Variants in SSUH2 observed in about 807,000 individuals in gnomAD.
SSUH2 encodes ssu-2 homolog.
Under a neutral mutation model 55.3 loss-of-function variants are expected in SSUH2, and 47 were observed. The ratio of observed to expected loss-of-function variants is 0.85; its 90% CI spans 0.67 to 1.08. SSUH2 has a LOEUF of 1.08. Ranked by LOEUF, SSUH2 falls within the 50% of genes least tolerant of loss-of-function variation. The pLI is 0.00. For missense variants in SSUH2, 535 were observed against 490.7 expected, an observed-to-expected ratio of 1.09 and a Z score of -0.85; for synonymous variants, 212 against 191.5, an observed-to-expected ratio of 1.11 and a Z score of -0.89.
intron 6 of SSUH2, among the ~76,000 whole-genome samples, chr3:8,630,470 C>T (rs1698540812): frequency 6.6e-6 from 1 of 152,158 alleles, no homozygotes; most frequent in African/African-American, 2.4e-5. Context: ...TTCATTCAGC[C>T]CTTCAGCTGT....
intron 2 of SSUH2, among the ~76,000 whole-genome samples, chr3:8,679,336 GC>G (rs1173336279): frequency 3.5e-5 from 1 of 28,600 alleles, no homozygotes; most frequent in East Asian, 1.2e-3. Context: ...CCCTCTTCCC[GC>G]CCCTTGCTCT....
chr3:8,675,983 G>A (rs58394565), intron 3 of SSUH2, among the ~76,000 whole-genome samples: 11,342 of 152,140 alleles, frequency 0.075, 485 homozygotes, highest in Non-Finnish European at 0.1. Context: ...ATGGCCCCCC[G>A]TTTGAGGGCC....
chr3:8,680,692 A>T (rs748476954), intron 1 of SSUH2, among the ~76,000 whole-genome samples: 6 of 151,962 alleles, frequency 3.9e-5, no homozygotes, highest in Non-Finnish European at 7.4e-5. Flanking sequence ...GCCATACATG[A>T]AGTCATATCA....
chr3:8,664,511 T>C (rs2125380687), intron 5 of SSUH2, among the ~76,000 whole-genome samples: 1 of 152,326 alleles, frequency 6.6e-6, no homozygotes, highest in East Asian at 1.9e-4. Context: ...TTAAAAAGCA[T>C]GTATCCAAAA....
intron 5 of SSUH2, among the ~76,000 whole-genome samples, chr3:8,666,283 G>A (rs1703983990): frequency 6.6e-6 from 1 of 152,114 alleles, no homozygotes; most frequent in South Asian, 2.1e-4. Context: ...ATAAATGTGG[G>A]CTATAATTTC....
intron 5 of SSUH2, among the ~76,000 whole-genome samples, chr3:8,667,687 G>A (rs1470560430): frequency 2.0e-5 from 3 of 152,182 alleles, no homozygotes; most frequent in Admixed American, 2.0e-4. Context: ...GGCCACTGGG[G>A]ATCAACTTGA....
chr3:8,672,589 T>C (rs988218998), intron 3 of SSUH2, among the ~76,000 whole-genome samples: 5 of 152,080 alleles, frequency 3.3e-5, no homozygotes, highest in African/African-American at 7.2e-5. Context: ...TATCCCAGGA[T>C]GGGTGTACAC....
intron 5 of SSUH2, among the ~76,000 whole-genome samples, chr3:8,631,573 T>A (rs903303490): frequency 6.6e-6 from 1 of 152,156 alleles, no homozygotes; most frequent in Non-Finnish European, 1.5e-5. Context: ...TCTTGAAGAA[T>A]GGACCTGAGC....
At chr3:8,681,357 C>A (rs1705934173) in intron 1 of SSUH2, among the ~76,000 whole-genome samples, 1 of 148,644 alleles carries the variant, frequency 6.7e-6, no homozygotes, top group South Asian at 2.1e-4. Context: ...GACTGAGAGC[C>A]AGCCCCTTTT....
At chr3:8,659,912 G>A (rs752785900) in intron 6 of SSUH2, 3 of 409,730 alleles carry the variant, frequency 7.3e-6, no homozygotes, top group Middle Eastern at 7.0e-4. Context: ...GCAGACATCT[G>A]AGTTGGATCT....
intron 5 of SSUH2, among the ~76,000 whole-genome samples, chr3:8,670,147 G>A (rs563151042): frequency 4.6e-5 from 7 of 152,098 alleles, no homozygotes; most frequent in Non-Finnish European, 1.0e-4. Context: ...TCCCTTGGCA[G>A]CTCGTTTATG....
intron 3 of SSUH2, chr3:8,634,337 T>C: frequency 7.9e-7 from 1 of 1,261,408 alleles, no homozygotes; most frequent in Non-Finnish European, 1.0e-6. Context: ...CTCGGCCCTC[T>C]TTCTGCATGC....
intron 4 of SSUH2, among the ~76,000 whole-genome samples, chr3:8,632,828 T>C (rs375346469): frequency 1.1e-4 from 16 of 152,190 alleles, no homozygotes; most frequent in African/African-American, 3.1e-4. Flanking sequence ...AGTCATGATC[T>C]GGGGGAGGCA....
intron 11 of SSUH2, among the ~76,000 whole-genome samples, chr3:8,621,250 G>A (rs562230870): frequency 6.7e-4 from 102 of 152,328 alleles, no homozygotes; most frequent in African/African-American, 2.4e-3. Flanking sequence ...CAGGTGGCAT[G>A]ATTGGCCCAG....
intron 8 of SSUH2, 23 bp downstream of exon 8, chr3:8,627,675 C>A (rs1533001): frequency 0.4 from 605,253 of 1,497,208 alleles, 124,377 homozygotes; most frequent in East Asian, 0.69. Flanking sequence ...CACTTCACCG[C>A]GGTGCTGGGG....
intron 11 of SSUH2, 144 bp from the exon 12 acceptor site, chr3:8,620,158 C>G (rs1696115914): frequency 1.2e-6 from 1 of 805,996 alleles, no homozygotes; most frequent in East Asian, 2.7e-5. Context: ...GCTCTGTGTT[C>G]CCACCCAAAT....
chr3:8,676,809 C>T (rs80216223), intron 3 of SSUH2, among the ~76,000 whole-genome samples: 6 of 148,056 alleles, frequency 4.1e-5, no homozygotes, highest in Non-Finnish European at 8.9e-5. Context: ...CCCAGTGAGG[C>T]GGGGACTGAG....
At chr3:8,649,066 C>A (rs534766856), upstream of SSUH2, among the ~76,000 whole-genome samples, 2 of 152,324 alleles carry the variant, frequency 1.3e-5, no homozygotes, top group South Asian at 2.1e-4. Flanking sequence ...TACCCTCCAA[C>A]AATGGGCAAG....
chr3:8,629,509 A>T, intron 7 of SSUH2, 155 bp downstream of exon 7: 1 of 638,322 alleles, frequency 1.6e-6, no homozygotes, highest in Admixed American at 2.7e-5. Context: ...TTCATTTTAT[A>T]GACGGGAAAA....
Sources: allele counts gnomAD v4.1 joint callset (sites outside exome capture counted in the v4.1 genomes callset), GRCh38; gene constraint gnomAD v4.1.1; transcripts MANE v1.5; gene names NCBI Gene and HGNC (gene_info 2026-07-23, HGNC 2026-07-21).